L3MBTL1: variants seen among roughly 807,000 people sequenced by gnomAD.
L3MBTL1 encodes lethal(3)malignant brain tumor-like protein 1.
A neutral mutation model predicts 105.3 loss-of-function variants in L3MBTL1; 75 were observed. That is an observed-to-expected ratio of 0.71 (90% CI 0.59 to 0.86). L3MBTL1 has a LOEUF of 0.86. L3MBTL1 is among the 40% of genes least tolerant of loss of function. L3MBTL1 has a pLI of 0.00. For synonymous variants in L3MBTL1, 452 were observed against 436.2 expected (o/e 1.04, Z -0.45); for missense variants, 1,069 against 1,126.4 (o/e 0.95, Z 0.73).
rs1381653992 is a variant in L3MBTL1 at position 43,534,926 on chromosome 20, C to T, written c.1809C>T (p.Pro603=). 1.2e-6 allele frequency: 2 copies of T among 1,602,152 alleles called. No individual in the cohort carries two copies. The highest frequency in any genetic ancestry group is 8.5e-7 in the Non-Finnish European group (1 of 1,177,620). ...PAGWCSKTGH[P]LQPPLGPREP... The stretch of plus-strand genomic sequence containing the variant: ...GCTGGTGCTCCAAGACAGGACATCC[C>T]CTGCAGCCTCCTCTCGGTGTGTACC... The change falls in exon 16 of 22, where the codon CCC becomes CCT. Residue 603 remains proline (P), a synonymous_variant. Coordinates refer to ENST00000418998, the MANE Select transcript of L3MBTL1 (RefSeq NM_001377303.1).
rs765198050 is a variant in L3MBTL1 at position 43,532,863 on chromosome 20, G to A, written c.1375G>A (p.Asp459Asn). Residue 459 changes from aspartate (D) to asparagine (N), a missense_variant, in exon 12 of 22, where the codon GAT (aspartate) becomes AAT (asparagine). Asp to Asn is a conservative substitution (Grantham distance 23). Coordinates refer to ENST00000418998, the MANE Select transcript of L3MBTL1 (RefSeq NM_001377303.1). ...CCTTGTCTGCGTGGCCAGTGTGACC[G>A]ATGTGGTGGACAGCCGCTTCCTGGT... ...PSLVCVASVT[D>N]VVDSRFLVHF... 3.0e-5 allele frequency: 49 copies of A among 1,614,048 alleles called. No homozygotes were observed. The highest frequency in any genetic ancestry group is 3.9e-5 in the Non-Finnish European group (46 of 1,180,034).
chr20:43,541,154 A>G lies in L3MBTL1; in HGVS notation c.*26A>G, dbSNP rs1370915116. The G allele has an allele frequency of 6.2e-7, 1 of 1,601,188 alleles. No homozygotes were observed. Among genetic ancestry groups the G allele is most frequent in the Admixed American group, 1.7e-5 (1 of 59,404 alleles). On this transcript the variant is annotated 3_prime_UTR_variant, in exon 22 of 22. Coordinates refer to ENST00000418998, the MANE Select transcript of L3MBTL1 (RefSeq NM_001377303.1). ...AGTGTACTTTTTTCCCCTTTAATCCAATATAGTTGATAATTAAAGTGTATT... is the reference window on the plus strand; with the variant it reads ...AGTGTACTTTTTTCCCCTTTAATCCGATATAGTTGATAATTAAAGTGTATT...
At chr20:43,543,045 A>G (rs2019972715), downstream of L3MBTL1, among the ~76,000 whole-genome samples, 3 of 151,706 alleles carry the variant, frequency 2.0e-5, no homozygotes, top group Admixed American at 1.3e-4. Flanking sequence ...AAAAGCCCCC[A>G]GGTGGTTTTC....
intron 16 of L3MBTL1, among the ~76,000 whole-genome samples, chr20:43,535,529 A>ATGTGGCTTCTAAGG (rs1243523829): frequency 6.6e-6 from 1 of 152,172 alleles, no homozygotes; most frequent in African/African-American, 2.4e-5. Context: ...AATCTGCCAG[A>ATGTGGCTTCTAAGG]TGTGGCTTCT....
chr20:43,548,029 C>T (rs1023453702), intron 18 of L3MBTL1: 17 of 995,092 alleles, frequency 1.7e-5, no homozygotes, highest in Admixed American at 2.7e-5. Context: ...ATTCCCCATG[C>T]ACACCCCTCC....
rs1276567479 is a variant in L3MBTL1, at chr20:43,513,580, T to A, written c.77T>A (p.Val26Glu). The change falls in exon 2 of 22, where the codon GTG (valine) becomes GAG (glutamate). Residue 26 changes from valine to glutamate, a missense_variant. By Grantham distance (121) the Val-to-Glu change is moderately radical. Coordinates refer to ENST00000418998, the MANE Select transcript of L3MBTL1 (RefSeq NM_001377303.1). ...PSTGEVSMHL[V>E]AGDSPGSGPH... ...ACAGGGGAGGTCAGCATGCACTTGG[T>A]GGCCGGAGACAGCCCCGGTTCTGGT... The A allele has an allele frequency of 6.4e-7, 1 of 1,550,662 alleles. No homozygotes were observed. Among genetic ancestry groups the A allele is most frequent in the Non-Finnish European group, 8.7e-7 (1 of 1,146,994 alleles).
At chr20:43,536,377 C>G in intron 18 of L3MBTL1, 32 bp from the exon 19 acceptor site, 1 of 1,613,808 alleles carries the variant, frequency 6.2e-7, no homozygotes, top group Non-Finnish European at 8.5e-7. Flanking sequence ...GACACTGATT[C>G]CCTGCCATGG....
At chr20:43,514,951 G>A (rs1189089290) in intron 4 of L3MBTL1, 58 bp from the exon 5 acceptor site, 6 of 1,584,536 alleles carry the variant, frequency 3.8e-6, no homozygotes, top group East Asian at 2.3e-5. Flanking sequence ...GGGCGTGGGC[G>A]GAGCCTGAGT....
chr20:43,514,193 G>A, intron 3 of L3MBTL1, 132 bp downstream of exon 3: 2 of 862,174 alleles, frequency 2.3e-6, no homozygotes, highest in Non-Finnish European at 3.5e-6. Flanking sequence ...GGTGGGCTTT[G>A]AGTGAGGGAC....
At chr20:43,533,543 C>G (rs776843256) in intron 13 of L3MBTL1, 125 bp downstream of exon 13, 6 of 742,334 alleles carry the variant, frequency 8.1e-6, no homozygotes, top group Non-Finnish European at 1.3e-5. Flanking sequence ...ACAGACATGT[C>G]CTGAAGCCTC....
chr20:43,534,455 CTG>C, intron 15 of L3MBTL1, 61 bp downstream of exon 15: 1 of 1,340,336 alleles, frequency 7.5e-7, no homozygotes, highest in South Asian at 1.2e-5. Context: ...ATTCTGTAGA[CTG>C]TTTAGAGGTC....
chr20:43,515,588 G>A (rs1401948660), intron 6 of L3MBTL1, 173 bp downstream of exon 6: 3 of 734,944 alleles, frequency 4.1e-6, no homozygotes, highest in African/African-American at 3.5e-5. Context: ...TGGTTAAAGG[G>A]AAATGAATTA....
rs201603514 is a variant in L3MBTL1, at chr20:43,540,916, C to A, written c.2395-18C>A. 4.5e-5 allele frequency: 72 copies of A among 1,613,598 alleles called. 1 individual carries two copies. The East Asian group carries it at 1.4e-3, about 31-fold the overall frequency. On this transcript the variant is annotated intron_variant, in intron 21 of 21. Coordinates refer to ENST00000418998, the MANE Select transcript of L3MBTL1 (RefSeq NM_001377303.1). ...CAGCGTCACTTCTGCTAAGGAGGGA[C>A]CCGTGTTGCCCCACCAGGCAAGAAT...
chr20:43,513,778 G>A (rs1454041351), intron 2 of L3MBTL1, 60 bp from the exon 3 acceptor site: 16 of 1,536,880 alleles, frequency 1.0e-5, no homozygotes, highest in African/African-American at 1.4e-5. Context: ...ATGCATGGCC[G>A]GATTGAGGTA....
intron 7 of L3MBTL1, among the ~76,000 whole-genome samples, chr20:43,524,132 A>T (rs2018890926): frequency 6.6e-6 from 1 of 151,988 alleles, no homozygotes; most frequent in African/African-American, 2.4e-5. Context: ...AAACTTACTA[A>T]TTTTATTTGT....
chr20:43,513,756 A>G (rs1405688301), intron 2 of L3MBTL1, 82 bp from the exon 3 acceptor site: 45 of 1,530,746 alleles, frequency 2.9e-5, no homozygotes, highest in Non-Finnish European at 3.8e-5. Flanking sequence ...GCCTTCCTTC[A>G]CATGCCTACA....
At chr20:43,534,504 T>C in intron 15 of L3MBTL1, 110 bp downstream of exon 15, 1 of 838,230 alleles carries the variant, frequency 1.2e-6, no homozygotes, top group Middle Eastern at 2.3e-4. Flanking sequence ...AAGCCAAAGA[T>C]CTTGAATCTC....
At chr20:43,547,884 C>CT (rs940338459) in intron 18 of L3MBTL1, among the ~76,000 whole-genome samples, 7 of 152,208 alleles carry the variant, frequency 4.6e-5, no homozygotes, top group Non-Finnish European at 7.3e-5. Context: ...GGCTGTCTTT[C>CT]TTTCCTTCTC....
At chr20:43,536,514 G>T in intron 19 of L3MBTL1, 56 bp downstream of exon 19, 2 of 1,578,064 alleles carry the variant, frequency 1.3e-6, no homozygotes, top group Non-Finnish European at 1.7e-6. Context: ...CACAGCGAGT[G>T]CTCTGTCATT....
Sources: gnomAD v4.1 joint callset for allele counts (sites outside exome capture counted in the v4.1 genomes callset) on GRCh38, gnomAD v4.1.1 for gene constraint, MANE v1.5 for transcripts, NCBI Gene and HGNC (gene_info 2026-07-23, HGNC 2026-07-21) for gene names.